Variants in UBAP2 observed in about 807,000 individuals in gnomAD.
The protein encoded by UBAP2 is ubiquitin associated protein 2.
A neutral mutation model predicts 139.6 loss-of-function variants in UBAP2; 75 were observed. The observed-to-expected ratio is 0.54, with a 90% confidence interval of 0.45 to 0.65. The LOEUF (loss-of-function observed/expected upper bound fraction) is 0.65, where lower values mean the gene tolerates loss of function less well. Among genes scored for constraint, UBAP2 ranks in the 30% least tolerant of loss-of-function variants. The pLI, the probability that UBAP2 is intolerant of heterozygous loss-of-function variation, is 0.00. For synonymous variants in UBAP2, 526 were observed against 526.2 expected, an observed-to-expected ratio of 1.00 and a Z score of 0.01; for missense variants, 1,368 against 1,369.6, an observed-to-expected ratio of 1.00 and a Z score of 0.02.
chr9:34,022,716 G>T (rs1238251972), intron 1 of UBAP2, among the ~76,000 whole-genome samples: 1 of 152,002 alleles, frequency 6.6e-6, no homozygotes, highest in African/African-American at 2.4e-5. Flanking sequence ...GGGATTACAG[G>T]TGTGAGCCAT....
chr9:33,924,317 T>G, intron 22 of UBAP2, 33 bp from the exon 23 acceptor site: 1 of 1,596,896 alleles, frequency 6.3e-7, no homozygotes, highest in Non-Finnish European at 8.6e-7. Flanking sequence ...GATCAGCGAC[T>G]GGCCCTGCTT....
chr9:33,959,411 T>G (rs1394521535), intron 10 of UBAP2, among the ~76,000 whole-genome samples: 1 of 152,186 alleles, frequency 6.6e-6, no homozygotes, highest in East Asian at 1.9e-4. Flanking sequence ...TCTCAAAGTG[T>G]GCGTCATTGT....
intron 6 of UBAP2, among the ~76,000 whole-genome samples, chr9:33,975,737 G>C (rs1014929975): frequency 6.6e-6 from 1 of 150,714 alleles, no homozygotes; most frequent in Non-Finnish European, 1.5e-5. Flanking sequence ...CGGAGGCGGA[G>C]CTTGCAGTGA....
chr9:33,942,262 A>G (rs1467639000), intron 15 of UBAP2, among the ~76,000 whole-genome samples: 1 of 152,184 alleles, frequency 6.6e-6, no homozygotes, highest in Non-Finnish European at 1.5e-5. Flanking sequence ...CAGTGAACCA[A>G]GATCGCGCCA....
chr9:34,033,889 C>T (rs1001959012), intron 1 of UBAP2, among the ~76,000 whole-genome samples: 2 of 152,062 alleles, frequency 1.3e-5, no homozygotes, highest in African/African-American at 4.8e-5. Flanking sequence ...GCACCCACCA[C>T]CATGCCTGGC....
chr9:34,046,125 A>T (rs1229501285), intron 1 of UBAP2, among the ~76,000 whole-genome samples: 1 of 152,208 alleles, frequency 6.6e-6, no homozygotes, highest in Non-Finnish European at 1.5e-5. Context: ...GGTTTCTCAC[A>T]AGGAAAAATA....
At chr9:34,007,421 A>AG (rs576756302) in intron 2 of UBAP2, among the ~76,000 whole-genome samples, 37 of 151,452 alleles carry the variant, frequency 2.4e-4, no homozygotes, top group African/African-American at 8.0e-4. Flanking sequence ...TCTTGAGCCT[A>AG]GGGGGGTCAA....
chr9:33,937,755 C>CAAA lies in UBAP2; in HGVS notation c.1930-1880_1930-1878dup, dbSNP rs34776998. 8.7e-3 allele frequency among the ~76,000 whole-genome samples: 904 copies of CAAA among 103,578 alleles called. 10 individuals carry two copies. The highest frequency in any genetic ancestry group is 0.03 in the African/African-American group (840 of 28,380). 68.0% of individuals were successfully genotyped at this position (103,578 alleles called of 152,430 possible). On this transcript the variant is annotated intron_variant, in intron 16 of 28. Transcript: ENST00000379238. ...AAACCCCGTCTCTATTTAAAAAATA[C>CAAA]AAAAAAAAAAAAAAAAATTAGCCAG...
At chr9:34,027,925 C>G (rs1758633) in intron 1 of UBAP2, among the ~76,000 whole-genome samples, 101,003 of 148,514 alleles carry the variant, frequency 0.68, 34,997 homozygotes, top group East Asian at 0.82. Context: ...CAGCCACCAA[C>G]ACAAAGTCTA....
intron 16 of UBAP2, among the ~76,000 whole-genome samples, chr9:33,940,921 G>C (rs532961349): frequency 6.6e-6 from 1 of 152,164 alleles, no homozygotes; most frequent in African/African-American, 2.4e-5. Context: ...AAAAATTAGC[G>C]CAACTTTCTT....
chr9:34,005,731 C>A (rs988791334), intron 2 of UBAP2, among the ~76,000 whole-genome samples: 1 of 151,930 alleles, frequency 6.6e-6, no homozygotes, highest in Non-Finnish European at 1.5e-5. Flanking sequence ...TGAAGATAGG[C>A]AAAAGACAAC....
At chr9:33,983,787 A>C (rs1820970304) in intron 6 of UBAP2, among the ~76,000 whole-genome samples, 1 of 152,162 alleles carries the variant, frequency 6.6e-6, no homozygotes, top group Admixed American at 6.5e-5. Flanking sequence ...ACTTTACAGA[A>C]ACCTGGTCCT....
intron 2 of UBAP2, among the ~76,000 whole-genome samples, chr9:34,002,450 T>C (rs1053536537): frequency 6.8e-6 from 1 of 147,668 alleles, no homozygotes; most frequent in East Asian, 2.0e-4. Context: ...CGATATCGGC[T>C]CACTGCAACC....
intron 1 of UBAP2, among the ~76,000 whole-genome samples, chr9:34,031,441 G>A (rs1458392369): frequency 1.3e-5 from 2 of 152,038 alleles, no homozygotes; most frequent in Non-Finnish European, 2.9e-5. Context: ...CTGAGTAGCT[G>A]GGATTACAGA....
At chr9:33,955,380 G>A (rs1190250288) in intron 11 of UBAP2, among the ~76,000 whole-genome samples, 13 of 152,074 alleles carry the variant, frequency 8.5e-5, no homozygotes, top group East Asian at 3.9e-4. Flanking sequence ...TTAGCCGGGC[G>A]TGGTGGCAGG....
At chr9:34,010,328 G>A (rs1025764358) in intron 2 of UBAP2, among the ~76,000 whole-genome samples, 2 of 150,006 alleles carry the variant, frequency 1.3e-5, no homozygotes, top group Non-Finnish European at 3.0e-5. Flanking sequence ...GGAGGCTGAG[G>A]TGGGAAAATC....
chr9:34,017,110 A>G lies in UBAP2; in HGVS notation c.39T>C (p.Ala13=). Residue 13 remains alanine, a synonymous_variant, in exon 2 of 29, where the codon GCT becomes GCC. Coordinates refer to ENST00000379238, the MANE Select transcript of UBAP2 (RefSeq NM_001370062.2). ...TSVSSDHCRG[A]REKPQISAAQ... ...CTGCTGAAATCTGTGGTTTTTCCCG[A>G]GCACCTCGACAATGGTCACTGCTCA... The G allele has an allele frequency of 6.2e-7, 1 of 1,612,498 alleles. No individual in the cohort carries two copies. Among genetic ancestry groups the G allele is most frequent in the Non-Finnish European group, 8.5e-7 (1 of 1,179,576 alleles).
intron 13 of UBAP2, among the ~76,000 whole-genome samples, chr9:33,945,047 T>C (rs1374762457): frequency 6.6e-6 from 1 of 151,976 alleles, no homozygotes; most frequent in African/African-American, 2.4e-5. Context: ...GGAGGATTGC[T>C]TTAGCCCAGG....
At chr9:33,948,086 C>G (rs1307021253) in intron 13 of UBAP2, among the ~76,000 whole-genome samples, 2 of 151,632 alleles carry the variant, frequency 1.3e-5, no homozygotes, top group Non-Finnish European at 2.9e-5. Flanking sequence ...TGCATTTACA[C>G]AAAGTGTTAG....
Sources: gnomAD v4.1 joint callset for allele counts (sites outside exome capture counted in the v4.1 genomes callset) on GRCh38, gnomAD v4.1.1 for gene constraint, MANE v1.5 for transcripts, NCBI Gene and HGNC (gene_info 2026-07-23, HGNC 2026-07-21) for gene names.